EVI5: variants seen among roughly 807,000 people sequenced by gnomAD.
EVI5 encodes ecotropic viral integration site 5 protein homolog.
In EVI5, 73 loss-of-function variants were observed where a neutral mutation model predicts 112.0. The ratio of observed to expected loss-of-function variants is 0.65; its 90% CI spans 0.54 to 0.79. The LOEUF (loss-of-function observed/expected upper bound fraction) is 0.79, where lower values mean the gene tolerates loss of function less well. Among genes scored for constraint, EVI5 ranks in the 30% least tolerant of loss-of-function variants. The pLI is 0.00. For missense variants in EVI5, 900 were observed against 968.8 expected, an observed-to-expected ratio of 0.93 and a Z score of 0.94; for synonymous variants, 305 against 319.9, an observed-to-expected ratio of 0.95 and a Z score of 0.50.
chr1:92,696,124 G>A (rs1419259826), intron 6 of EVI5, among the ~76,000 whole-genome samples: 1 of 151,854 alleles, frequency 6.6e-6, no homozygotes, highest in Non-Finnish European at 1.5e-5. Flanking sequence ...TAGAGGCAAG[G>A]TTTTGCCATG....
At chr1:92,767,198 T>C (rs949269602) in intron 1 of EVI5, among the ~76,000 whole-genome samples, 3 of 152,158 alleles carry the variant, frequency 2.0e-5, no homozygotes, top group East Asian at 3.9e-4. Context: ...GTATATGCTA[T>C]CCGCCTGTTA....
intron 2 of EVI5, among the ~76,000 whole-genome samples, chr1:92,707,944 G>T (rs1672260779): frequency 6.6e-6 from 1 of 152,130 alleles, no homozygotes; most frequent in South Asian, 2.1e-4. Context: ...GCTGACATGT[G>T]CATCAACATG....
chr1:92,745,074 G>A (rs1362413457), intron 1 of EVI5, among the ~76,000 whole-genome samples: 1 of 150,496 alleles, frequency 6.6e-6, no homozygotes, highest in Non-Finnish European at 1.5e-5. Context: ...GGGACCACAG[G>A]CACACAACTA....
intron 19 of EVI5, among the ~76,000 whole-genome samples, chr1:92,526,718 AAC>A (rs1454197645): frequency 3.3e-5 from 5 of 151,892 alleles, no homozygotes; most frequent in Admixed American, 1.3e-4. Flanking sequence ...GAACAGGTGG[AAC>A]ACAGGGGATT....
chr1:92,704,405 AGG>A (rs1671664729), intron 3 of EVI5, 148 bp downstream of exon 3: 1 of 437,538 alleles, frequency 2.3e-6, no homozygotes, highest in Middle Eastern at 5.9e-4. Flanking sequence ...TAAAACTTTT[AGG>A]GGTACAAGTA....
At position 92,607,642 on chromosome 1, in the gene EVI5, T is replaced by C. The variant is rs200368939; in HGVS notation, c.1913A>G (p.Asn638Ser). 1.6e-5 allele frequency: 25 copies of C among 1,607,502 alleles called. No individual in the cohort carries two copies. Among genetic ancestry groups the C allele is most frequent in the Non-Finnish European group, 2.1e-5 (25 of 1,177,612 alleles). Reference sequence around the variant, plus strand: ...ACTTAATTGAGTAAGGAGTCCTTTGTTCTGTGCAGAAAGATACTGCACTTT... The same window carrying C: ...ACTTAATTGAGTAAGGAGTCCTTTGCTCTGTGCAGAAAGATACTGCACTTT... ...QEKVQYLSAQNKGLLTQLSEA... is the reference protein window; with the variant it reads ...QEKVQYLSAQSKGLLTQLSEA... The change falls in exon 17 of 20, where the codon AAC becomes AGC. Residue 638 changes from asparagine (N) to serine (S), a missense_variant. By Grantham distance (46) the Asn-to-Ser change is conservative. Transcript: ENST00000684568.
intron 18 of EVI5, among the ~76,000 whole-genome samples, chr1:92,593,544 A>G (rs1486045874): frequency 6.6e-6 from 1 of 152,204 alleles, no homozygotes; most frequent in African/African-American, 2.4e-5. Context: ...ACTCCTATTC[A>G]ACATAGTGTT....
intron 2 of EVI5, among the ~76,000 whole-genome samples, chr1:92,727,278 A>G (rs1378170634): frequency 1.3e-5 from 2 of 152,160 alleles, no homozygotes; most frequent in South Asian, 4.1e-4. Context: ...GGGAGTTTGG[A>G]TAGTAGTAAT....
intron 9 of EVI5, among the ~76,000 whole-genome samples, chr1:92,690,069 G>T (rs1669237623): frequency 6.6e-6 from 1 of 151,198 alleles, no homozygotes; most frequent in Admixed American, 6.6e-5. Flanking sequence ...GCAGAGATGG[G>T]GTCTCGCTAT....
chr1:92,717,947 A>G (rs1228247987), intron 2 of EVI5, among the ~76,000 whole-genome samples: 1 of 152,224 alleles, frequency 6.6e-6, no homozygotes, highest in Non-Finnish European at 1.5e-5. Context: ...AAAAGAGACA[A>G]AGAAGGCCAC....
intron 13 of EVI5, among the ~76,000 whole-genome samples, chr1:92,646,695 C>T (rs150711564): frequency 5.3e-5 from 8 of 152,302 alleles, no homozygotes; most frequent in Admixed American, 2.0e-4. Context: ...GTTAATACCA[C>T]CTTACAAATG....
chr1:92,586,893 T>TTAAA (rs1359735021), intron 18 of EVI5, among the ~76,000 whole-genome samples: 8 of 152,068 alleles, frequency 5.3e-5, no homozygotes, highest in African/African-American at 1.9e-4. Flanking sequence ...GAGAATGGTA[T>TTAAA]TAAAAACCAA....
At chr1:92,625,686 T>C (rs559703174) in intron 15 of EVI5, 108 bp downstream of exon 15, 22 of 845,836 alleles carry the variant, frequency 2.6e-5, no homozygotes, top group East Asian at 2.5e-4. Context: ...AGGGTCTCTC[T>C]CACTTTAAAC....
chr1:92,566,891 C>T (rs1353518007), intron 18 of EVI5, among the ~76,000 whole-genome samples: 1 of 150,402 alleles, frequency 6.6e-6, no homozygotes, highest in East Asian at 1.9e-4. Flanking sequence ...ACTGCAACCT[C>T]CACCTCCCAA....
At chr1:92,734,289 T>C (rs1296035655) in intron 2 of EVI5, among the ~76,000 whole-genome samples, 1 of 152,206 alleles carries the variant, frequency 6.6e-6, no homozygotes, top group Non-Finnish European at 1.5e-5. Context: ...TGTATGAATG[T>C]GTTACAAATG....
At chr1:92,665,806 T>C (rs1664785663) in intron 11 of EVI5, 133 bp downstream of exon 11, 4 of 541,038 alleles carry the variant, frequency 7.4e-6, no homozygotes, top group African/African-American at 5.9e-5. Context: ...AAATAAATAG[T>C]AAGGTAAGCA....
intron 19 of EVI5, among the ~76,000 whole-genome samples, chr1:92,558,037 CA>C (rs1008342291): frequency 6.6e-6 from 1 of 152,050 alleles, no homozygotes; most frequent in South Asian, 2.1e-4. Context: ...CGTGCCTGGC[CA>C]AAAAATCTGT....
rs11381351 is a variant in EVI5, at chr1:92,509,493, A to ATT, written c.*4161_*4162dup. The ATT allele has an allele frequency of 1.2e-3, 183 of 147,018 alleles. No homozygotes were observed. The East Asian group carries it at 0.019, about 15-fold the overall frequency. The allele number at this position is 147,018 out of a possible 1,614,324, so 9.1% of individuals were successfully genotyped here. ...TACATCTTTGACTTCTTTTCCCAGGATTTTTTTTTTTTTTAAAGAGACAGG... is the reference window on the plus strand; with the variant it reads ...TACATCTTTGACTTCTTTTCCCAGGATTTTTTTTTTTTTTTTAAAGAGACAGG... On this transcript the variant is annotated 3_prime_UTR_variant, in exon 20 of 20. Transcript: ENST00000684568.
intron 1 of EVI5, among the ~76,000 whole-genome samples, chr1:92,765,570 C>G (rs911793865): frequency 2.6e-5 from 4 of 151,030 alleles, no homozygotes; most frequent in Non-Finnish European, 4.4e-5. Context: ...AACAAAGACA[C>G]GAAACAAAAC....
Sources: gnomAD v4.1 joint callset for allele counts (sites outside exome capture counted in the v4.1 genomes callset) on GRCh38, gnomAD v4.1.1 for gene constraint, MANE v1.5 for transcripts, NCBI Gene and HGNC (gene_info 2026-07-23, HGNC 2026-07-21) for gene names.